Variants in ADK observed in about 807,000 individuals in gnomAD.
ADK encodes adenosine kinase, also known as N6,N6-dimethyladenosine kinase.
In ADK, 24 loss-of-function variants were observed where a neutral mutation model predicts 44.7. The ratio of observed to expected loss-of-function variants is 0.54; its 90% CI spans 0.39 to 0.76. ADK has a LOEUF of 0.76. Among genes scored for constraint, ADK ranks in the 30% least tolerant of loss-of-function variants. The pLI is 0.00. For synonymous variants in ADK, 128 were observed against 142.6 expected (o/e 0.90, Z 0.73); for missense variants, 321 against 425.1 (o/e 0.76, Z 2.15).
chr10:74,393,254 T>C (rs1038234751), intron 4 of ADK, among the ~76,000 whole-genome samples: 6 of 152,190 alleles, frequency 3.9e-5, no homozygotes, highest in Non-Finnish European at 7.4e-5. Flanking sequence ...ATTTGTAGGT[T>C]ATTTTGCTAC....
At chr10:74,484,787 A>G (rs909742210) in intron 6 of ADK, among the ~76,000 whole-genome samples, 5 of 152,216 alleles carry the variant, frequency 3.3e-5, no homozygotes, top group Non-Finnish European at 2.9e-5. Context: ...CTTCATTTCC[A>G]TAAGGAAATG....
chr10:74,405,416 T>C (rs1195359079), intron 6 of ADK, among the ~76,000 whole-genome samples: 3 of 151,856 alleles, frequency 2.0e-5, no homozygotes, highest in Non-Finnish European at 2.9e-5. Context: ...TCAGTTTAGA[T>C]TAATGTATAG....
At chr10:74,396,940 A>G (rs992038983) in intron 5 of ADK, among the ~76,000 whole-genome samples, 9 of 152,076 alleles carry the variant, frequency 5.9e-5, no homozygotes, top group Non-Finnish European at 8.8e-5. Context: ...CCTGGGCAAC[A>G]AGAACGAAAC....
intron 3 of ADK, among the ~76,000 whole-genome samples, chr10:74,257,243 G>GA (rs1564620407): frequency 6.6e-6 from 1 of 152,120 alleles, no homozygotes; most frequent in East Asian, 1.9e-4. Context: ...CTACATAAAG[G>GA]AAAAGTTGGC....
chr10:74,480,314 G>C (rs1460190284), intron 6 of ADK, among the ~76,000 whole-genome samples: 1 of 150,660 alleles, frequency 6.6e-6, no homozygotes. Flanking sequence ...CTACAGCCTT[G>C]ATCTCCTCAG....
At chr10:74,664,684 A>G (rs907235793) in intron 9 of ADK, among the ~76,000 whole-genome samples, 1 of 152,106 alleles carries the variant, frequency 6.6e-6, no homozygotes, top group African/African-American at 2.4e-5. Flanking sequence ...CTCTACTAAA[A>G]ATACAAAAAT....
intron 9 of ADK, among the ~76,000 whole-genome samples, chr10:74,618,280 AAGTATTTT>A: frequency 2.0e-5 from 3 of 150,782 alleles, no homozygotes; most frequent in Non-Finnish European, 4.4e-5. Flanking sequence ...TGGATTGATC[AAGTATTTT>A]TTTCTTTTTC....
intron 2 of ADK, 55 bp downstream of exon 2, chr10:74,200,893 G>T: frequency 8.3e-7 from 1 of 1,202,052 alleles, no homozygotes. Context: ...GAAGAAGAAT[G>T]GATGAAAACT....
intron 7 of ADK, among the ~76,000 whole-genome samples, chr10:74,566,731 T>C (rs528072265): frequency 6.6e-6 from 1 of 152,330 alleles, no homozygotes; most frequent in South Asian, 2.1e-4. Flanking sequence ...TTTGTTTTTC[T>C]TGATGAGAGT....
chr10:74,529,328 C>A (rs1849190468), intron 7 of ADK: 1 of 151,898 alleles, frequency 6.6e-6, no homozygotes, highest in Admixed American at 6.6e-5. Context: ...CATAGAGACA[C>A]ATAGTAGGAT....
intron 6 of ADK, among the ~76,000 whole-genome samples, chr10:74,405,650 A>G (rs1164184358): frequency 6.6e-6 from 1 of 152,060 alleles, no homozygotes; most frequent in Non-Finnish European, 1.5e-5. Flanking sequence ...TCTTATGAGA[A>G]TCTAACTAAT....
At chr10:74,441,336 G>T (rs552006836) in intron 6 of ADK, among the ~76,000 whole-genome samples, 81 of 152,306 alleles carry the variant, frequency 5.3e-4, no homozygotes, top group African/African-American at 1.9e-3. Flanking sequence ...AATATTGGCA[G>T]TTCCTCAAAA....
chr10:74,188,006 A>T (rs899100415), intron 1 of ADK, among the ~76,000 whole-genome samples: 2 of 152,206 alleles, frequency 1.3e-5, no homozygotes, highest in Non-Finnish European at 2.9e-5. Flanking sequence ...TTTTGTGGGA[A>T]AAAGCAGAAG....
intron 3 of ADK, among the ~76,000 whole-genome samples, chr10:74,231,958 T>TTG (rs1355320102): frequency 1.3e-5 from 2 of 151,798 alleles, no homozygotes; most frequent in Admixed American, 1.3e-4. Flanking sequence ...CTTTTTTTTG[T>TTG]TTGTCTTTTT....
intron 1 of ADK, among the ~76,000 whole-genome samples, chr10:74,177,376 A>G (rs972927070): frequency 2.0e-5 from 3 of 152,084 alleles, no homozygotes; most frequent in East Asian, 3.9e-4. Flanking sequence ...ATGTTTGCTC[A>G]TGACTGGAAT....
intron 4 of ADK, among the ~76,000 whole-genome samples, chr10:74,361,615 G>A (rs753737894): frequency 1.3e-5 from 2 of 152,124 alleles, no homozygotes; most frequent in Non-Finnish European, 2.9e-5. Flanking sequence ...ATTTTTAATA[G>A]TTTTGTCTTT....
At chr10:74,346,005 G>C (rs751836441) in intron 4 of ADK, among the ~76,000 whole-genome samples, 2 of 151,992 alleles carry the variant, frequency 1.3e-5, no homozygotes, top group African/African-American at 4.8e-5. Context: ...AATGATTCTT[G>C]TGCCTCAGCC....
At chr10:74,430,664 A>C (rs542208954) in intron 6 of ADK, among the ~76,000 whole-genome samples, 100 of 152,252 alleles carry the variant, frequency 6.6e-4, no homozygotes, top group Non-Finnish European at 1.3e-3. Flanking sequence ...TAAGCTTTTA[A>C]TTCTTACATT....
At chr10:74,436,002 G>C (rs1040607104) in intron 6 of ADK, among the ~76,000 whole-genome samples, 2 of 152,090 alleles carry the variant, frequency 1.3e-5, no homozygotes, top group Admixed American at 1.3e-4. Flanking sequence ...AATTATGTAA[G>C]TAATTACAAA....
Sources: allele counts gnomAD v4.1 joint callset (sites outside exome capture counted in the v4.1 genomes callset), GRCh38; gene constraint gnomAD v4.1.1; transcripts MANE v1.5; gene names NCBI Gene and HGNC (gene_info 2026-07-23, HGNC 2026-07-21).